Variants in SEMA4B observed in about 807,000 individuals in gnomAD.
SEMA4B encodes semaphorin 4B, also known as semaphorin-4B.
A neutral mutation model predicts 88.1 loss-of-function variants in SEMA4B; 55 were observed. The ratio of observed to expected loss-of-function variants is 0.62; its 90% CI spans 0.50 to 0.78. The LOEUF (loss-of-function observed/expected upper bound fraction) is 0.78. Ranked by LOEUF, SEMA4B falls within the 30% of genes least tolerant of loss-of-function variation. SEMA4B has a pLI of 0.00. For missense variants in SEMA4B, 1,062 were observed against 1,111.9 expected (o/e 0.96, Z 0.64); for synonymous variants, 525 against 473.6 (o/e 1.11, Z -1.41).
intron 12 of SEMA4B, chr15:90,227,199 C>G (rs1027971673): frequency 1.3e-5 from 3 of 237,896 alleles, no homozygotes; most frequent in African/African-American, 6.9e-5. Context: ...AGGCGTGCGC[C>G]ACCATGCCTG....
chr15:90,185,557 C>A (rs911822097), intron 1 of SEMA4B, among the ~76,000 whole-genome samples: 1 of 152,150 alleles, frequency 6.6e-6, no homozygotes, highest in Non-Finnish European at 1.5e-5. Context: ...GCTGCAGTTG[C>A]GGCTACTCGG....
rs370338281 is a variant in SEMA4B, at chr15:90,225,796, G to C, written c.1657G>C (p.Val553Leu). 9.1e-5 allele frequency: 142 copies of C among 1,555,436 alleles called. No individual in the cohort carries two copies. The South Asian group carries it at 1.6e-3, about 18-fold the overall frequency. ...CAWSGSSCKH[V>L]SLYQPQLATR... ...TTGGAGCGGCTCCAGCTGCAAGCAC[G>C]TCAGCCTCTACCAGCCTCAGCTGGC... Residue 553 changes from valine to leucine, a missense_variant, in exon 12 of 14, where the codon GTC becomes CTC. By Grantham distance (32) the Val-to-Leu change is conservative. Transcript: ENST00000411539.
Position 90,203,406 on chromosome 15 carries a change from G to C in SEMA4B, c.157+1671G>C, listed in dbSNP as rs556139101. On this transcript the variant is annotated intron_variant, in intron 1 of 13. Transcript: ENST00000411539. The stretch of plus-strand genomic sequence containing the variant: ...TGAGATGGGGGCAGATGCTCCAATG[G>C]ACTCCACTTATGGCCTTGGGAAAGC... Among the ~76,000 whole-genome samples, 10 of 152,312 alleles carry C rather than the reference G, an allele frequency of 6.6e-5. No homozygotes were observed. In the South Asian group the frequency reaches 2.1e-3, roughly 32 times the overall value.
In SEMA4B at chr15:90,228,784, C is replaced by A; in HGVS notation, c.*141C>A. The A allele has an allele frequency of 9.0e-7, 1 of 1,112,000 alleles. No homozygotes were observed. Among genetic ancestry groups the A allele is most frequent in the Non-Finnish European group, 1.3e-6 (1 of 792,996 alleles). The allele number at this position is 1,112,000 out of a possible 1,614,324, so 68.9% of individuals were successfully genotyped here. On this transcript the variant is annotated 3_prime_UTR_variant, in exon 14 of 14. Coordinates refer to ENST00000411539, the MANE Select transcript of SEMA4B (RefSeq NM_198925.4). ...CTTGGGAGCCTTGGGGCCAGCTGGC[C>A]TGCTGCTCTCCAGTCAAGTAGCGAA... is the stretch of plus-strand genomic sequence containing the variant.
At chr15:90,219,611 C>T in intron 3 of SEMA4B, 182 bp from the exon 4 acceptor site, 1 of 582,826 alleles carries the variant, frequency 1.7e-6, no homozygotes, top group Non-Finnish European at 3.0e-6. Context: ...GCAGCACACA[C>T]ACTCTGTGCA....
chr15:90,201,396 C>T lies in SEMA4B; in HGVS notation c.-183C>T. On this transcript the variant is annotated 5_prime_UTR_variant, in exon 1 of 14. Coordinates refer to ENST00000411539, the MANE Select transcript of SEMA4B (RefSeq NM_198925.4). Reference sequence around the variant, plus strand: ...GCGCCGGCGGGAGGACTGCGGTGCCCCGCGGAGGGGCTGAGTTTGCCAGGG... The same window carrying T: ...GCGCCGGCGGGAGGACTGCGGTGCCTCGCGGAGGGGCTGAGTTTGCCAGGG... 7.8e-7 allele frequency: 1 copy of T among 1,277,264 alleles called. No homozygotes were observed. Among genetic ancestry groups the T allele is most frequent in the Non-Finnish European group, 9.9e-7 (1 of 1,013,580 alleles). 79.1% of individuals were successfully genotyped at this position (1,277,264 alleles called of 1,614,324 possible).
Position 90,228,248 on chromosome 15 carries a change from A to G in SEMA4B, c.2119A>G (p.Ser707Gly), listed in dbSNP as rs1413031559. ...GAGTGCACCAGCTGGTGGCAAGGCC[A>G]GCTGGGGTGCAGACAGGTCCTACTG... Reference protein sequence around the residue: ...RVSAPAGGKASWGADRSYWKE... With the variant: ...RVSAPAGGKAGWGADRSYWKE... The change falls in exon 14 of 14, where the codon AGC (serine) becomes GGC (glycine). Residue 707 changes from serine to glycine, a missense_variant. By Grantham distance (56) the Ser-to-Gly change is moderately conservative. Coordinates refer to ENST00000411539, the MANE Select transcript of SEMA4B (RefSeq NM_198925.4). 7.5e-6 allele frequency: 12 copies of G among 1,598,582 alleles called. No individual in the cohort carries two copies. Among genetic ancestry groups the G allele is most frequent in the Non-Finnish European group, 1.0e-5 (12 of 1,171,784 alleles).
At chr15:90,221,868 G>C in intron 7 of SEMA4B, 103 bp downstream of exon 7, 1 of 1,104,940 alleles carries the variant, frequency 9.1e-7, no homozygotes, top group South Asian at 1.6e-5. Flanking sequence ...TCCCGCCAAG[G>C]AGTACAGCTT....
rs762810147 is a variant in SEMA4B at position 90,228,637 on chromosome 15, G to A, written c.2508G>A (p.Val836=). ...VRLGSEIRDS[V]V is the part of the protein sequence containing the mutation. ...TTGGCTCGGAGATCCGTGACTCTGT[G>A]GTGTGAGAGCTGACTTCCAGAGGAC... is the stretch of plus-strand genomic sequence containing the variant. Residue 836 remains valine (V), a synonymous_variant, in exon 14 of 14, where the codon GTG becomes GTA. Coordinates refer to ENST00000411539, the MANE Select transcript of SEMA4B (RefSeq NM_198925.4). The A allele has an allele frequency of 9.3e-6, 15 of 1,613,234 alleles. No individual in the cohort carries two copies. The Admixed American group carries it at 2.5e-4, about 27-fold the overall frequency.
exon 1 of SEMA4B, chr15:90,185,060 C>CG: frequency 1.0e-6 from 1 of 985,152 alleles, no homozygotes; most frequent in Non-Finnish European, 1.2e-6. Flanking sequence ...GATGACCGTG[C>CG]GCTGACCCTG....
In SEMA4B at chr15:90,201,644, G is replaced by T. The variant is rs749075104; in HGVS notation, c.66G>T (p.Arg22=). The T allele has an allele frequency of 6.6e-7, 1 of 1,516,828 alleles. No individual in the cohort carries two copies. The highest frequency in any genetic ancestry group is 2.6e-5 in the East Asian group (1 of 38,346). 94.0% of individuals were successfully genotyped at this position (1,516,828 alleles called of 1,614,324 possible). A position where few individuals can be genotyped will look rare whatever the true frequency, so the allele number is the denominator to read the frequency against. ...LAAPWGALPP[R]PPLLLLLLLL... ...CCCCATGGGGCGCGCTGCCGCCTCG[G>T]CCACCGCTGCTGCTGCTCCTGCTGC... Residue 22 remains arginine (R), a synonymous_variant, in exon 1 of 14, where the codon CGG becomes CGT. Coordinates refer to ENST00000411539, the MANE Select transcript of SEMA4B (RefSeq NM_198925.4).
chr15:90,225,024 C>A lies in SEMA4B; in HGVS notation c.1251C>A (p.Asp417Glu), dbSNP rs1210709327. Residue 417 changes from aspartate to glutamate, a missense_variant, in exon 10 of 14, where the codon GAC (aspartate) becomes GAA (glutamate). Asp to Glu is a conservative substitution (Grantham distance 45). Transcript: ENST00000411539. ...TCAACTCATCCCTGCAGCTCCCAGA[C>A]CGCGTGCTGAACTTCCTCAAGGACC... The part of the protein sequence containing the change: ...RKINSSLQLP[D>E]RVLNFLKDHF... 1.2e-6 allele frequency: 2 copies of A among 1,613,974 alleles called. No homozygotes were observed. Among genetic ancestry groups the A allele is most frequent in the Non-Finnish European group, 1.7e-6 (2 of 1,179,860 alleles).
rs377034176 is a variant in SEMA4B at position 90,228,513 on chromosome 15, C to T, written c.2384C>T (p.Pro795Leu). The T allele has an allele frequency of 7.1e-5, 115 of 1,611,324 alleles. No homozygotes were observed. Among genetic ancestry groups the T allele is most frequent in the African/African-American group, 5.5e-4 (41 of 74,896 alleles). ...RGYQSLSDSP[P>L]GSRVFTESEK... ...TACCAGTCCCTGTCAGACAGCCCCC[C>T]GGGGTCCCGAGTCTTCACTGAGTCA... The change falls in exon 14 of 14, where the codon CCG becomes CTG. Residue 795 changes from proline (P) to leucine (L), a missense_variant. Transcript: ENST00000411539.
rs1198061727 is a variant in SEMA4B, at chr15:90,228,994, T to C, written c.*351T>C. 2 of 389,686 alleles carry C rather than the reference T, an allele frequency of 5.1e-6. No homozygotes were observed. Among genetic ancestry groups the C allele is most frequent in the African/African-American group, 2.1e-5 (1 of 48,242 alleles). The allele number at this position is 389,686 out of a possible 1,614,324, so 24.1% of individuals were successfully genotyped here. A position where few individuals can be genotyped will look rare whatever the true frequency, so the allele number is the denominator to read the frequency against. ...CATGGCATGCAGCACACACGGCTGC[T>C]CCAGTTCATGGCCTCCCAGGGGTGC... On this transcript the variant is annotated 3_prime_UTR_variant, in exon 14 of 14. Transcript: ENST00000411539.
rs1231013197 is a variant in SEMA4B, at chr15:90,201,537, C to T, written c.-42C>T. 1.4e-6 allele frequency: 2 copies of T among 1,412,410 alleles called. No individual in the cohort carries two copies. Among genetic ancestry groups the T allele is most frequent in the Admixed American group, 2.9e-5 (1 of 34,064 alleles). The allele number at this position is 1,412,410 out of a possible 1,614,324, so 87.5% of individuals were successfully genotyped here. A position where few individuals can be genotyped will look rare whatever the true frequency, so the allele number is the denominator to read the frequency against. ...GCCGCCCGTGAGTCCGGCCGAGCCA[C>T]CTGAGCCCGAGCCGCGGGACACCGT... On this transcript the variant is annotated 5_prime_UTR_variant, in exon 1 of 14. Transcript: ENST00000411539.
chr15:90,186,010 C>T lies in SEMA4B; in HGVS notation c.-122+929C>T, dbSNP rs143002653. On this transcript the variant is annotated intron_variant, in intron 1 of 14. Coordinates refer to the SEMA4B transcript ENST00000332496. The stretch of plus-strand genomic sequence containing the variant: ...GTGCAGTAGCGCGATCTTGGCTCAC[C>T]GCAACCTCCACCTCCCTGGCTCAAG... Among the ~76,000 whole-genome samples, 529 of 149,110 alleles carry T rather than the reference C, an allele frequency of 3.5e-3. 3 individuals are homozygous for T. The highest frequency in any genetic ancestry group is 0.013 in the African/African-American group (505 of 40,332).
rs766774157 is a variant in SEMA4B, at chr15:90,214,323, C to G, written c.158-3116C>G. 4.0e-5 allele frequency among the ~76,000 whole-genome samples: 5 copies of G among 124,754 alleles called. No individual in the cohort carries two copies. In the South Asian group the frequency reaches 1.2e-3, roughly 31 times the overall value. The allele number at this position is 124,754 out of a possible 152,430, so 81.8% of individuals were successfully genotyped here. A position where few individuals can be genotyped will look rare whatever the true frequency, so the allele number is the denominator to read the frequency against. On this transcript the variant is annotated intron_variant, in intron 1 of 13. Coordinates refer to ENST00000411539, the MANE Select transcript of SEMA4B (RefSeq NM_198925.4). ...AGCCTGGACAACAAGAGAGAAACTC[C>G]GTCTCAAAAAAAAAAAAAAAAAAGG... is the stretch of plus-strand genomic sequence containing the variant.
chr15:90,227,717 G>A (rs1433835524), intron 13 of SEMA4B, 75 bp downstream of exon 13: 9 of 1,527,702 alleles, frequency 5.9e-6, no homozygotes, highest in Non-Finnish European at 8.1e-6. Context: ...AGGCACAGAT[G>A]TTGTAAATGC....
intron 1 of SEMA4B, among the ~76,000 whole-genome samples, chr15:90,188,508 A>G (rs1005339014): frequency 1.3e-4 from 20 of 151,924 alleles, no homozygotes; most frequent in Admixed American, 2.6e-4. Context: ...CATGCCTGTA[A>G]TCCCAGCTAC....
Sources: gnomAD v4.1 joint callset for allele counts (sites outside exome capture counted in the v4.1 genomes callset) on GRCh38, gnomAD v4.1.1 for gene constraint, MANE v1.5 for transcripts, NCBI Gene and HGNC (gene_info 2026-07-23, HGNC 2026-07-21) for gene names.